The following NEK11 variants were observed in gnomAD, a reference collection of about 807,000 sequenced individuals.
The protein encoded by NEK11 is NIMA related kinase 11.
NEK11 carries 72 observed loss-of-function variants against 80.7 expected under a neutral mutation model. The ratio of observed to expected loss-of-function variants is 0.89; its 90% CI spans 0.74 to 1.08. The LOEUF is 1.08. Ranked by LOEUF, NEK11 falls within the 50% of genes least tolerant of loss-of-function variation. NEK11 has a pLI of 0.00. For missense variants in NEK11, 764 were observed against 763.6 expected (o/e 1.00, Z -0.01); for synonymous variants, 251 against 260.7 (o/e 0.96, Z 0.36).
rs150319185 is a variant in NEK11 at position 131,032,715 on chromosome 3, T to G, written c.170+2837T>G. Among the ~76,000 whole-genome samples, 363 of 152,354 alleles carry G rather than the reference T, an allele frequency of 2.4e-3. 1 individual carries two copies. The highest frequency in any genetic ancestry group is 8.5e-3 in the African/African-American group (352 of 41,584). On this transcript the variant is annotated intron_variant, in intron 3 of 17. Coordinates refer to ENST00000383366, the MANE Select transcript of NEK11 (RefSeq NM_024800.5). ...CCTAATCTGAGCTTTGGTTTTCTTA[T>G]CTTTAAAATGAGTATAATACCTCAT...
intron 17 of NEK11, among the ~76,000 whole-genome samples, chr3:131,302,187 A>G (rs1015841565): frequency 1.1e-4 from 16 of 151,616 alleles, no homozygotes; most frequent in Admixed American, 7.9e-4. Context: ...TTTTATTTCT[A>G]TAGGGTTGGT....
intron 4 of NEK11, among the ~76,000 whole-genome samples, chr3:131,109,239 A>G (rs1367157770): frequency 6.6e-6 from 1 of 152,114 alleles, no homozygotes; most frequent in Non-Finnish European, 1.5e-5. Flanking sequence ...GCTCCATTCT[A>G]ATTTGTGCAG....
intron 17 of NEK11, among the ~76,000 whole-genome samples, chr3:131,297,903 C>G (rs866002447): frequency 6.6e-6 from 1 of 152,002 alleles, no homozygotes; most frequent in Non-Finnish European, 1.5e-5. Flanking sequence ...TTTCCCAGCA[C>G]CATTTATTAA....
chr3:131,039,917 T>C (rs2066217061), intron 3 of NEK11, among the ~76,000 whole-genome samples: 1 of 152,204 alleles, frequency 6.6e-6, no homozygotes, highest in Non-Finnish European at 1.5e-5. Flanking sequence ...TAGTAATAGT[T>C]TCTTGGTCAG....
chr3:131,134,602 T>C (rs1010670332), intron 7 of NEK11, among the ~76,000 whole-genome samples: 7 of 151,940 alleles, frequency 4.6e-5, no homozygotes, highest in Non-Finnish European at 1.0e-4. Flanking sequence ...GGTTTCACTG[T>C]GTTAGCCGGA....
At chr3:131,280,991 G>A (rs1391724813) in intron 17 of NEK11, among the ~76,000 whole-genome samples, 2 of 152,134 alleles carry the variant, frequency 1.3e-5, no homozygotes, top group African/African-American at 4.8e-5. Context: ...CCCAATGTGA[G>A]CCCCAAGTAC....
chr3:131,072,451 G>T (rs1445061288), intron 3 of NEK11: 1 of 152,144 alleles, frequency 6.6e-6, no homozygotes, highest in Non-Finnish European at 1.5e-5. Flanking sequence ...GCATATGATG[G>T]TAGGGGTGTT....
intron 7 of NEK11, among the ~76,000 whole-genome samples, chr3:131,149,788 A>T (rs1291757274): frequency 6.6e-6 from 1 of 152,020 alleles, no homozygotes; most frequent in African/African-American, 2.4e-5. Context: ...CTAGAAATCT[A>T]TTAAATGTAT....
intron 14 of NEK11, chr3:131,184,721 A>T: frequency 8.1e-7 from 1 of 1,234,334 alleles, no homozygotes; most frequent in Non-Finnish European, 1.1e-6. Context: ...ATCTAATTTC[A>T]CTAGACGAAT....
intron 5 of NEK11, among the ~76,000 whole-genome samples, chr3:131,130,028 C>A (rs2084140000): frequency 6.6e-6 from 1 of 152,146 alleles, no homozygotes; most frequent in East Asian, 1.9e-4. Flanking sequence ...TGGAAAGAAT[C>A]CATATCTTGA....
At position 131,226,927 on chromosome 3, in the gene NEK11, G is replaced by A. The variant is rs1046864358; in HGVS notation, c.1400-1601G>A. Among the ~76,000 whole-genome samples the A allele has an allele frequency of 5.3e-5, 8 of 151,220 alleles. No individual in the cohort carries two copies. In the East Asian group the frequency reaches 7.7e-4, roughly 15 times the overall value. ...TCTTGATATAATGACTAGAAGCCAC[G>A]TTTAATAAAAATAATATATATTATT... is the stretch of plus-strand genomic sequence containing the variant. On this transcript the variant is annotated intron_variant, in intron 14 of 17. Transcript: ENST00000383366.
At chr3:131,032,554 G>A (rs1466352606) in intron 3 of NEK11, among the ~76,000 whole-genome samples, 1 of 152,194 alleles carries the variant, frequency 6.6e-6, no homozygotes, top group Non-Finnish European at 1.5e-5. Context: ...AAGTATGAAT[G>A]TGACTACTCA....
intron 4 of NEK11, among the ~76,000 whole-genome samples, chr3:131,087,096 G>A (rs1179854796): frequency 6.6e-6 from 1 of 152,022 alleles, no homozygotes; most frequent in African/African-American, 2.4e-5. Context: ...TATTATAATT[G>A]TTCGTTATTT....
At chr3:131,334,009 A>G (rs1183779178) in intron 17 of NEK11, among the ~76,000 whole-genome samples, 1 of 152,142 alleles carries the variant, frequency 6.6e-6, no homozygotes, top group Non-Finnish European at 1.5e-5. Flanking sequence ...ACTCCCACAC[A>G]ATAATAATGG....
At chr3:131,286,361 C>T (rs1172169640) in intron 17 of NEK11, among the ~76,000 whole-genome samples, 1 of 152,146 alleles carries the variant, frequency 6.6e-6, no homozygotes, top group Non-Finnish European at 1.5e-5. Context: ...CCTGTTTACT[C>T]TTTCTTGTTC....
At chr3:131,233,143 G>A (rs1039606669) in intron 15 of NEK11, among the ~76,000 whole-genome samples, 3 of 151,406 alleles carry the variant, frequency 2.0e-5, no homozygotes, top group Admixed American at 2.0e-4. Flanking sequence ...AGAGAGAGAG[G>A]GAGCAATTGG....
At chr3:131,066,950 T>C (rs2072135584) in intron 3 of NEK11, among the ~76,000 whole-genome samples, 7 of 152,180 alleles carry the variant, frequency 4.6e-5, no homozygotes, top group Admixed American at 3.9e-4. Context: ...TTAATCTCTC[T>C]GTGTCTTAGT....
rs959547510 is a variant in NEK11 at position 131,345,969 on chromosome 3, TA to T, written c.1719-3577del. Among the ~76,000 whole-genome samples the T allele has an allele frequency of 1.3e-3, 188 of 143,848 alleles. 1 individual carries two copies. Among genetic ancestry groups the T allele is most frequent in the African/African-American group, 3.5e-3 (137 of 39,272 alleles). 94.4% of individuals were successfully genotyped at this position (143,848 alleles called of 152,430 possible). A position where few individuals can be genotyped will look rare whatever the true frequency, so the allele number is the denominator to read the frequency against. Reference sequence around the variant, plus strand: ...TGACCTCAATTATATATGGAATATTTAAAAAAAAAAAGAGCTCAAGTACACA... The same window carrying T: ...TGACCTCAATTATATATGGAATATTTAAAAAAAAAAGAGCTCAAGTACACA... On this transcript the variant is annotated intron_variant, in intron 17 of 17. Coordinates refer to ENST00000383366, the MANE Select transcript of NEK11 (RefSeq NM_024800.5).
chr3:131,131,923 T>C (rs1326857242), intron 5 of NEK11, among the ~76,000 whole-genome samples: 1 of 152,100 alleles, frequency 6.6e-6, no homozygotes, highest in Non-Finnish European at 1.5e-5. Flanking sequence ...TAGTTCAAAA[T>C]ATTTTAAAAT....
Sources: allele counts gnomAD v4.1 joint callset (sites outside exome capture counted in the v4.1 genomes callset), GRCh38; gene constraint gnomAD v4.1.1; transcripts MANE v1.5; gene names NCBI Gene and HGNC (gene_info 2026-07-23, HGNC 2026-07-21).